Variants in TCEA3 observed in about 807,000 individuals in gnomAD.
TCEA3 encodes transcription elongation factor A3, also known as transcription elongation factor A protein 3.
Under a neutral mutation model 44.0 loss-of-function variants are expected in TCEA3, and 36 were observed. The ratio of observed to expected loss-of-function variants is 0.82; its 90% CI spans 0.63 to 1.08. The LOEUF (loss-of-function observed/expected upper bound fraction) is 1.08. Among genes scored for constraint, TCEA3 ranks in the 50% least tolerant of loss-of-function variants. TCEA3 has a pLI of 0.00. For synonymous variants in TCEA3, 162 were observed against 159.7 expected (o/e 1.01, Z -0.11); for missense variants, 392 against 441.2 (o/e 0.89, Z 1.00).
chr1:23,393,551 C>T (rs1383679124), intron 8 of TCEA3, among the ~76,000 whole-genome samples: 3 of 152,224 alleles, frequency 2.0e-5, no homozygotes, highest in Non-Finnish European at 4.4e-5. Flanking sequence ...GGCTCCGACT[C>T]TTTCTAGCTG....
At chr1:23,404,313 T>G (rs1639481686) in intron 5 of TCEA3, among the ~76,000 whole-genome samples, 1 of 151,828 alleles carries the variant, frequency 6.6e-6, no homozygotes, top group Non-Finnish European at 1.5e-5. Context: ...TTCCACACCT[T>G]TGGGTGTGCC....
At chr1:23,407,918 G>T (rs1039430044) in intron 5 of TCEA3, among the ~76,000 whole-genome samples, 1 of 152,028 alleles carries the variant, frequency 6.6e-6, no homozygotes, top group Admixed American at 6.6e-5. Context: ...TCCAGGTATA[G>T]GCTTTCTTTC....
intron 3 of TCEA3, among the ~76,000 whole-genome samples, chr1:23,417,628 AATGTGTGCATGTAGAC>A (rs773966147): frequency 2.6e-5 from 4 of 152,260 alleles, no homozygotes; most frequent in Non-Finnish European, 4.4e-5. Flanking sequence ...TATTAAGACA[AATGTGTGCATGTAGAC>A]ATGTACTATA....
chr1:23,408,019 T>C (rs1399118732), intron 5 of TCEA3, among the ~76,000 whole-genome samples: 1 of 152,156 alleles, frequency 6.6e-6, no homozygotes, highest in African/African-American at 2.4e-5. Flanking sequence ...TGGATTGCAG[T>C]GGCGCGATCT....
intron 5 of TCEA3, among the ~76,000 whole-genome samples, chr1:23,401,356 TA>T (rs1639389447): frequency 6.6e-6 from 1 of 152,202 alleles, no homozygotes; most frequent in South Asian, 2.1e-4. Flanking sequence ...AGCTTTTATT[TA>T]TTTTTAATGC....
chr1:23,387,559 G>A (rs1411484539), intron 8 of TCEA3, 140 bp from the exon 9 acceptor site: 8 of 1,065,464 alleles, frequency 7.5e-6, no homozygotes, highest in Admixed American at 2.9e-5. Flanking sequence ...CCTGGATTCC[G>A]GGTCCTGCCC....
At chr1:23,387,530 G>T (rs1322409925) in intron 8 of TCEA3, 111 bp from the exon 9 acceptor site, 1 of 1,287,388 alleles carries the variant, frequency 7.8e-7, no homozygotes, top group East Asian at 2.6e-5. Context: ...TTTATTGACT[G>T]CAAGGAGCTG....
chr1:23,388,958 C>T (rs1638936958), intron 8 of TCEA3, among the ~76,000 whole-genome samples: 1 of 152,194 alleles, frequency 6.6e-6, no homozygotes, highest in African/African-American at 2.4e-5. Context: ...GCCGGGATTA[C>T]AGGCATGAGC....
intron 1 of TCEA3, among the ~76,000 whole-genome samples, chr1:23,422,676 C>T (rs1229314217): frequency 6.6e-6 from 1 of 152,138 alleles, no homozygotes; most frequent in African/African-American, 2.4e-5. Flanking sequence ...TGTAAACTGG[C>T]TCCATGCTGC....
At position 23,381,061 on chromosome 1, in the gene TCEA3, T is replaced by C; in HGVS notation, c.*405A>G. 6.0e-6 allele frequency: 1 copy of C among 167,974 alleles called. No individual in the cohort carries two copies. The highest frequency in any genetic ancestry group is 1.3e-5 in the Non-Finnish European group (1 of 78,000). 10.4% of individuals were successfully genotyped at this position (167,974 alleles called of 1,614,324 possible). A position where few individuals can be genotyped will look rare whatever the true frequency, so the allele number is the denominator to read the frequency against. On this transcript the variant is annotated 3_prime_UTR_variant, in exon 11 of 11. Coordinates refer to ENST00000450454, the MANE Select transcript of TCEA3 (RefSeq NM_003196.3). ...ACTGTCAAAGATATGACACCTCAGG[T>C]CTAAGGCGCTGCAGTTTCTTTATTT...
Position 23,397,955 on chromosome 1 carries a change from T to C in TCEA3, c.444A>G (p.Arg148=). ...CCGCTTTTGATTTGCTGCTGTTTGA[T>C]CTGAGGATGACAATAAGTAACAGAC... The part of the protein sequence containing the change: ...SSSPKRPSVE[R]SNSSKSKAES... The change falls in exon 6 of 11, where the codon AGA becomes AGG. Residue 148 remains arginine (R), a splice_region_variant and synonymous_variant. Transcript: ENST00000450454. 1 of 1,613,724 alleles carries C rather than the reference T, an allele frequency of 6.2e-7. No homozygotes were observed. Among genetic ancestry groups the C allele is most frequent in the Non-Finnish European group, 8.5e-7 (1 of 1,179,802 alleles).
intron 8 of TCEA3, 107 bp from the exon 9 acceptor site, chr1:23,387,526 G>T: frequency 7.6e-7 from 1 of 1,309,434 alleles, no homozygotes; most frequent in South Asian, 1.6e-5. Flanking sequence ...ATGCTTTATT[G>T]ACTGCAAGGA....
At chr1:23,404,065 C>T (rs1639473136) in intron 5 of TCEA3, 1 of 697,376 alleles carries the variant, frequency 1.4e-6, no homozygotes, top group Admixed American at 2.0e-5. Flanking sequence ...GAAAATCCTC[C>T]TGCCCCAGGT....
chr1:23,386,361 T>C (rs1484331464), intron 9 of TCEA3, among the ~76,000 whole-genome samples: 1 of 151,738 alleles, frequency 6.6e-6, no homozygotes, highest in Non-Finnish European at 1.5e-5. Context: ...TTCCCCCGCA[T>C]CCAGTAGCTG....
chr1:23,417,010 C>T (rs947846000), intron 4 of TCEA3, among the ~76,000 whole-genome samples: 3 of 152,198 alleles, frequency 2.0e-5, no homozygotes, highest in African/African-American at 7.2e-5. Flanking sequence ...CCCGCAGACG[C>T]ACTCTTTCCT....
intron 8 of TCEA3, among the ~76,000 whole-genome samples, chr1:23,391,736 A>G (rs1639033815): frequency 6.6e-6 from 1 of 152,094 alleles, no homozygotes; most frequent in African/African-American, 2.4e-5. Flanking sequence ...CAGCCTGGCC[A>G]ACATGGTGAA....
intron 5 of TCEA3, chr1:23,404,095 G>C: frequency 1.4e-6 from 1 of 702,258 alleles, no homozygotes; most frequent in South Asian, 1.5e-5. Context: ...GGCATCTGGA[G>C]GCCGGGCCCG....
chr1:23,410,634 T>A lies in TCEA3; in HGVS notation c.381-1908A>T, dbSNP rs185399465. On this transcript the variant is annotated intron_variant, in intron 4 of 10. Transcript: ENST00000450454. Reference sequence around the variant, plus strand: ...CTGGCCAACATGGTGAAACCCCATCTCTACTAAAAATACAAAAATTAGCCG... The same window carrying A: ...CTGGCCAACATGGTGAAACCCCATCACTACTAAAAATACAAAAATTAGCCG... 1.2e-4 allele frequency among the ~76,000 whole-genome samples: 18 copies of A among 152,008 alleles called. 1 individual carries two copies. In the East Asian group the frequency reaches 3.4e-3, roughly 29 times the overall value.
At chr1:23,397,651 G>A (rs1204109481) in intron 6 of TCEA3, 50 bp from the exon 7 acceptor site, 1 of 1,606,232 alleles carries the variant, frequency 6.2e-7, no homozygotes, top group South Asian at 1.1e-5. Flanking sequence ...AACGTAGGCA[G>A]TGAAGCCTGC....
Sources: gnomAD v4.1 joint callset for allele counts (sites outside exome capture counted in the v4.1 genomes callset) on GRCh38, gnomAD v4.1.1 for gene constraint, MANE v1.5 for transcripts, NCBI Gene and HGNC (gene_info 2026-07-23, HGNC 2026-07-21) for gene names.